LARGE1: variants seen among roughly 807,000 people sequenced by gnomAD.
LARGE1 encodes the protein LARGE xylosyl- and glucuronyltransferase 1, also known as xylosyl- and glucuronyltransferase LARGE1.
LARGE1 carries 43 observed loss-of-function variants against 87.6 expected under a neutral mutation model. The ratio of observed to expected loss-of-function variants is 0.49; its 90% CI spans 0.38 to 0.63. LARGE1 has a LOEUF of 0.63. Ranked by LOEUF, LARGE1 falls within the 30% of genes least tolerant of loss-of-function variation. The probability of loss-of-function intolerance (pLI) is 0.00; values close to 1 mark genes in which losing one functional copy is unlikely to be tolerated. For synonymous variants in LARGE1, 434 were observed against 394.6 expected (o/e 1.10, Z -1.18); for missense variants, 802 against 1,000.2 (o/e 0.80, Z 2.67).
intron 11 of LARGE1, among the ~76,000 whole-genome samples, chr22:33,196,861 A>C (rs1924110618): frequency 6.6e-6 from 1 of 152,158 alleles, no homozygotes; most frequent in African/African-American, 2.4e-5. Flanking sequence ...ATGGCTTTAC[A>C]CTCAAAAGTC....
At chr22:33,723,056 C>A (rs982956014) in intron 2 of LARGE1, among the ~76,000 whole-genome samples, 2 of 152,128 alleles carry the variant, frequency 1.3e-5, no homozygotes, top group African/African-American at 2.4e-5. Flanking sequence ...GGGAGTGGCA[C>A]AGCCTTTGAG....
At chr22:33,500,659 C>CT (rs1219846403) in intron 6 of LARGE1, among the ~76,000 whole-genome samples, 1 of 152,160 alleles carries the variant, frequency 6.6e-6, no homozygotes, top group African/African-American at 2.4e-5. Context: ...CTTAACCACT[C>CT]TAAGTCTTTG....
intron 6 of LARGE1, among the ~76,000 whole-genome samples, chr22:33,456,590 T>C (rs980884323): frequency 6.6e-6 from 1 of 152,200 alleles, no homozygotes; most frequent in Non-Finnish European, 1.5e-5. Flanking sequence ...GAAGTGTCAT[T>C]GAATGAAAGA....
At chr22:33,573,164 C>G (rs902326100) in intron 5 of LARGE1, among the ~76,000 whole-genome samples, 1 of 152,028 alleles carries the variant, frequency 6.6e-6, no homozygotes, top group Non-Finnish European at 1.5e-5. Context: ...ATTAAAGGCA[C>G]CTGCTGTTGC....
At chr22:33,290,086 T>C (rs886979342) in intron 12 of LARGE1, among the ~76,000 whole-genome samples, 2 of 152,146 alleles carry the variant, frequency 1.3e-5, no homozygotes, top group Non-Finnish European at 2.9e-5. Context: ...TGGGTTTCCC[T>C]GGTGCTACGG....
chr22:33,757,961 G>T (rs1287920052), intron 2 of LARGE1, among the ~76,000 whole-genome samples: 1 of 152,166 alleles, frequency 6.6e-6, no homozygotes, highest in Admixed American at 6.5e-5. Flanking sequence ...GTCAGGCAGG[G>T]TCAGATGGGT....
chr22:33,894,894 C>T (rs771129723), intron 1 of LARGE1, among the ~76,000 whole-genome samples: 4 of 152,190 alleles, frequency 2.6e-5, no homozygotes, highest in Non-Finnish European at 4.4e-5. Context: ...CAATTTGTCA[C>T]ATGGGAGCCA....
At chr22:33,546,784 A>C (rs552434619) in intron 6 of LARGE1, among the ~76,000 whole-genome samples, 24 of 152,298 alleles carry the variant, frequency 1.6e-4, no homozygotes, top group Non-Finnish European at 3.2e-4. Context: ...GGGTTTCACA[A>C]CGGTGGCCAG....
intron 6 of LARGE1, among the ~76,000 whole-genome samples, chr22:33,538,727 G>A (rs2077107580): frequency 6.6e-6 from 1 of 152,268 alleles, no homozygotes; most frequent in Non-Finnish European, 1.5e-5. Context: ...GTAACTCAAT[G>A]AAGGGGAAGG....
intron 11 of LARGE1, among the ~76,000 whole-genome samples, chr22:33,313,423 T>TG (rs1303195606): frequency 5.3e-5 from 8 of 152,222 alleles, no homozygotes; most frequent in African/African-American, 1.9e-4. Context: ...ACTGTAGACC[T>TG]GTTTACCTGT....
chr22:33,699,955 A>G (rs13058501), intron 2 of LARGE1, among the ~76,000 whole-genome samples: 29,926 of 150,782 alleles, frequency 0.2, 3,038 homozygotes, highest in Admixed American at 0.25. Context: ...TCCCATGTCT[A>G]TTTTGTCTAT....
Position 33,567,506 on chromosome 22 carries a change from G to C in LARGE1, c.616-2487C>G, listed in dbSNP as rs150656443. On this transcript the variant is annotated intron_variant, in intron 5 of 14. Transcript: ENST00000397394. ...TGGGTGGTAGATTCAGGCATGCCTG[G>C]ATTTAGATTCTAGTATCATCACTTA... 1.9e-4 allele frequency among the ~76,000 whole-genome samples: 29 copies of C among 152,300 alleles called. No individual in the cohort carries two copies. The East Asian group carries it at 4.1e-3, about 21-fold the overall frequency.
chr22:33,543,062 G>A (rs1013301852), intron 6 of LARGE1, among the ~76,000 whole-genome samples: 4 of 152,048 alleles, frequency 2.6e-5, no homozygotes, highest in Non-Finnish European at 2.9e-5. Context: ...TCTGTTTCCC[G>A]CTGCTTCTGT....
chr22:33,352,325 A>G (rs1940468280), intron 9 of LARGE1, among the ~76,000 whole-genome samples: 1 of 152,232 alleles, frequency 6.6e-6, no homozygotes, highest in South Asian at 2.1e-4. Context: ...AGACTGTGAC[A>G]TTATGACAGA....
intron 6 of LARGE1, among the ~76,000 whole-genome samples, chr22:33,506,071 C>T (rs912476496): frequency 6.6e-6 from 1 of 152,068 alleles, no homozygotes; most frequent in African/African-American, 2.4e-5. Flanking sequence ...GCCATGAATT[C>T]TGTGCATTTA....
intron 11 of LARGE1, among the ~76,000 whole-genome samples, chr22:33,195,764 T>C (rs1165656848): frequency 1.3e-5 from 2 of 149,028 alleles, no homozygotes; most frequent in African/African-American, 2.5e-5. Flanking sequence ...TTCTTTTTTT[T>C]TTTTTTTTGA....
intron 1 of LARGE1, among the ~76,000 whole-genome samples, chr22:33,863,052 G>A (rs924733904): frequency 1.4e-4 from 21 of 152,224 alleles, no homozygotes; most frequent in Non-Finnish European, 5.9e-5. Context: ...TGCAGAAAGC[G>A]GTTTGCCTCC....
intron 6 of LARGE1, among the ~76,000 whole-genome samples, chr22:33,541,282 A>T (rs988882286): frequency 1.3e-5 from 2 of 152,068 alleles, no homozygotes; most frequent in Non-Finnish European, 2.9e-5. Flanking sequence ...GGACTTGAAC[A>T]CAGGGCAAGC....
At chr22:33,914,940 C>G (rs981122432) in intron 1 of LARGE1, among the ~76,000 whole-genome samples, 4 of 151,770 alleles carry the variant, frequency 2.6e-5, no homozygotes, top group African/African-American at 9.7e-5. Flanking sequence ...TCCCCTGGGG[C>G]TTGATTAAAG....
Sources: gnomAD v4.1 joint callset for allele counts (sites outside exome capture counted in the v4.1 genomes callset) on GRCh38, gnomAD v4.1.1 for gene constraint, MANE v1.5 for transcripts, NCBI Gene and HGNC (gene_info 2026-07-23, HGNC 2026-07-21) for gene names.